Variants in CPPED1 observed in about 807,000 individuals in gnomAD.
CPPED1 encodes the protein serine/threonine-protein phosphatase CPPED1.
In CPPED1, 28 loss-of-function variants were observed where a neutral mutation model predicts 28.0. That is an observed-to-expected ratio of 1.00 (90% CI 0.74 to 1.37). The LOEUF (loss-of-function observed/expected upper bound fraction) is 1.37. CPPED1 is among the 40% of genes most tolerant of loss of function. The probability of loss-of-function intolerance (pLI) is 0.00; values close to 1 mark genes in which losing one functional copy is unlikely to be tolerated. For synonymous variants in CPPED1, 198 were observed against 180.2 expected (o/e 1.10, Z -0.79); for missense variants, 504 against 416.5 (o/e 1.21, Z -1.83).
intron 3 of CPPED1, among the ~76,000 whole-genome samples, chr16:12,674,634 C>T (rs2079869088): frequency 6.6e-6 from 1 of 152,136 alleles, no homozygotes; most frequent in African/African-American, 2.4e-5. Flanking sequence ...TCCCAATGCA[C>T]CTCTGTCCTA....
At chr16:12,704,354 C>G (rs2080036206) in intron 3 of CPPED1, among the ~76,000 whole-genome samples, 1 of 152,162 alleles carries the variant, frequency 6.6e-6, no homozygotes, top group African/African-American at 2.4e-5. Flanking sequence ...GGTCTGTTCT[C>G]CATGTCTTGG....
rs529722751 is a variant in CPPED1, at chr16:12,765,791, G to A, written c.289+15394C>T. Among the ~76,000 whole-genome samples the A allele has an allele frequency of 1.7e-3, 252 of 152,254 alleles. 1 individual carries two copies. Among genetic ancestry groups the A allele is most frequent in the African/African-American group, 5.8e-3 (239 of 41,554 alleles). ...AGGTGACTTTCTAAATTCTGGGTTC[G>A]CGAAATATATGTCCTCACCCGTTCT... On this transcript the variant is annotated intron_variant, in intron 2 of 3. Coordinates refer to ENST00000381774, the MANE Select transcript of CPPED1 (RefSeq NM_018340.3).
rs141736884 is a variant in CPPED1 at position 12,761,594 on chromosome 16, C to CT, written c.289+19590dup. Among the ~76,000 whole-genome samples, 1,512 of 152,214 alleles carry CT rather than the reference C, an allele frequency of 9.9e-3. 28 individuals are homozygous for CT. The highest frequency in any genetic ancestry group is 0.034 in the African/African-American group (1,405 of 41,528). On this transcript the variant is annotated intron_variant, in intron 2 of 3. Coordinates refer to ENST00000381774, the MANE Select transcript of CPPED1 (RefSeq NM_018340.3). ...GAATCAATCAGGAAAAATGGTGTCCCTGTGAAGAGACTAGTTAACCAGAAA... is the reference window on the plus strand; with the variant it reads ...GAATCAATCAGGAAAAATGGTGTCCCTTGTGAAGAGACTAGTTAACCAGAAA...
intron 2 of CPPED1, among the ~76,000 whole-genome samples, chr16:12,738,234 T>C (rs1567291271): frequency 6.6e-6 from 1 of 152,096 alleles, no homozygotes. Context: ...TGATATTATA[T>C]GAAAAATTGC....
At chr16:12,672,989 G>A (rs959261009) in intron 3 of CPPED1, among the ~76,000 whole-genome samples, 5 of 152,038 alleles carry the variant, frequency 3.3e-5, no homozygotes. Context: ...ACTCCAGCCT[G>A]GGTGAGAGCA....
intron 2 of CPPED1, among the ~76,000 whole-genome samples, chr16:12,764,293 TC>T (rs375067422): frequency 4.7e-4 from 71 of 152,068 alleles, no homozygotes; most frequent in African/African-American, 1.5e-3. Context: ...AACCTCCACT[TC>T]CCAAGTTCAA....
At position 12,799,431 on chromosome 16, in the gene CPPED1, A is replaced by G. The variant is rs747561271; in HGVS notation, c.70+4276T>C. On this transcript the variant is annotated intron_variant, in intron 1 of 3. Transcript: ENST00000381774. ...CGGCTAATTTTTTTAATTTTAGTAGAGATGGGGTTTCGCCATGTTGGCCAG... is the reference window on the plus strand; with the variant it reads ...CGGCTAATTTTTTTAATTTTAGTAGGGATGGGGTTTCGCCATGTTGGCCAG... Among the ~76,000 whole-genome samples the G allele has an allele frequency of 1.6e-4, 24 of 152,158 alleles. No homozygotes were observed. The South Asian group carries it at 3.5e-3, about 22-fold the overall frequency.
At chr16:12,686,227 G>GTATATA (rs149918404) in intron 3 of CPPED1, among the ~76,000 whole-genome samples, 1 of 125,404 alleles carries the variant, frequency 8.0e-6, no homozygotes, top group African/African-American at 4.6e-5. Context: ...TTTATTAATT[G>GTATATA]TATATATATA....
At chr16:12,717,249 C>G (rs151092278) in intron 2 of CPPED1, among the ~76,000 whole-genome samples, 1 of 152,284 alleles carries the variant, frequency 6.6e-6, no homozygotes, top group African/African-American at 2.4e-5. Context: ...TCATCTGAAT[C>G]TATAAGAATC....
At chr16:12,740,703 G>C (rs1433380721) in intron 2 of CPPED1, among the ~76,000 whole-genome samples, 1 of 152,204 alleles carries the variant, frequency 6.6e-6, no homozygotes, top group Non-Finnish European at 1.5e-5. Flanking sequence ...GCTTTCCTCA[G>C]TGGGTGATGA....
intron 2 of CPPED1, 198 bp downstream of exon 2, chr16:12,780,987 G>A: frequency 1.7e-6 from 1 of 589,168 alleles, no homozygotes; most frequent in East Asian, 2.8e-5. Context: ...TAATTACTGT[G>A]ATTAATCTCG....
rs143587982 is a variant in CPPED1 at position 12,774,933 on chromosome 16, G to A, written c.289+6252C>T. 6.6e-3 allele frequency among the ~76,000 whole-genome samples: 1,003 copies of A among 152,180 alleles called. 11 individuals carry two copies. The highest frequency in any genetic ancestry group is 0.022 in the African/African-American group (925 of 41,510). On this transcript the variant is annotated intron_variant, in intron 2 of 3. Coordinates refer to ENST00000381774, the MANE Select transcript of CPPED1 (RefSeq NM_018340.3). ...ACTCCCAGGTTCAAGCAATCCTCTC[G>A]CCTCAGCCTCCCAAGTAGCTGGGTC...
chr16:12,783,186 A>C (rs2080542572), intron 1 of CPPED1, among the ~76,000 whole-genome samples: 1 of 152,216 alleles, frequency 6.6e-6, no homozygotes, highest in Non-Finnish European at 1.5e-5. Flanking sequence ...ATGCAGATTA[A>C]GAGTGAGGCA....
intron 2 of CPPED1, among the ~76,000 whole-genome samples, chr16:12,718,099 C>T (rs1011520597): frequency 6.3e-4 from 96 of 152,332 alleles, no homozygotes; most frequent in African/African-American, 2.3e-3. Flanking sequence ...AGAACTCTGT[C>T]AGGGGAAGAG....
chr16:12,687,194 T>C (rs1464164050), intron 3 of CPPED1, among the ~76,000 whole-genome samples: 1 of 152,158 alleles, frequency 6.6e-6, no homozygotes, highest in Non-Finnish European at 1.5e-5. Flanking sequence ...TCTTATAATA[T>C]TATTATTTTT....
chr16:12,756,615 G>A (rs1007496996), intron 2 of CPPED1, among the ~76,000 whole-genome samples: 4 of 152,032 alleles, frequency 2.6e-5, no homozygotes, highest in Non-Finnish European at 5.9e-5. Context: ...GCTGAGGCAC[G>A]AGAATCACTT....
chr16:12,726,014 T>C (rs376977764), intron 2 of CPPED1, among the ~76,000 whole-genome samples: 3 of 150,436 alleles, frequency 2.0e-5, no homozygotes, highest in African/African-American at 7.3e-5. Flanking sequence ...CAGGGCAACA[T>C]AGGGAGATCC....
chr16:12,731,908 A>G (rs1383152233), intron 2 of CPPED1, among the ~76,000 whole-genome samples: 2 of 151,842 alleles, frequency 1.3e-5, no homozygotes, highest in Non-Finnish European at 2.9e-5. Flanking sequence ...CACGCTTGTA[A>G]TACTAGCACT....
intron 2 of CPPED1, among the ~76,000 whole-genome samples, chr16:12,767,093 A>T (rs73508406): frequency 0.036 from 5,412 of 152,138 alleles, 335 homozygotes; most frequent in African/African-American, 0.12. Flanking sequence ...AGGCTTAGTA[A>T]GGGAATGGGT....
Sources: allele counts gnomAD v4.1 joint callset (sites outside exome capture counted in the v4.1 genomes callset), GRCh38; gene constraint gnomAD v4.1.1; transcripts MANE v1.5; gene names NCBI Gene and HGNC (gene_info 2026-07-23, HGNC 2026-07-21).